Variants in SI observed in about 807,000 individuals in gnomAD.
SI encodes the protein sucrase-isomaltase, also known as sucrase-isomaltase, intestinal.
A neutral mutation model predicts 253.3 loss-of-function variants in SI; 235 were observed. The ratio of observed to expected loss-of-function variants is 0.93; its 90% CI spans 0.83 to 1.03. The LOEUF is 1.03. Among genes scored for constraint, SI ranks in the 50% least tolerant of loss-of-function variants. The pLI, the probability that SI is intolerant of heterozygous loss-of-function variation, is 0.00. For missense variants in SI, 2,442 were observed against 2,211.1 expected (o/e 1.10, Z -2.09); for synonymous variants, 819 against 712.0 (o/e 1.15, Z -2.39).
In SI at chr3:164,982,743, G is replaced by A. The variant is rs111642831; in HGVS notation, c.5247+259C>T. On this transcript the variant is annotated intron_variant, in intron 46 of 47. Coordinates refer to ENST00000264382, the MANE Select transcript of SI (RefSeq NM_001041.4). Reference sequence around the variant, plus strand: ...TGCAGTCATGGCTCACTGCCATCTCGAACTCCTAGATTCCAGTGACCCTCT... The same window carrying A: ...TGCAGTCATGGCTCACTGCCATCTCAAACTCCTAGATTCCAGTGACCCTCT... Among the ~76,000 whole-genome samples, 102 of 152,112 alleles carry A rather than the reference G, an allele frequency of 6.7e-4. 2 individuals carry two copies. Among genetic ancestry groups the A allele is most frequent in the African/African-American group, 2.2e-3 (90 of 41,518 alleles).
chr3:165,059,415 C>A (rs1239996846), intron 10 of SI, 116 bp from the exon 11 acceptor site: 1 of 1,023,486 alleles, frequency 9.8e-7, no homozygotes, highest in Non-Finnish European at 1.5e-6. Context: ...AATAAATGAA[C>A]GTCCATCCTT....
chr3:165,007,090 T>C, intron 36 of SI, 136 bp from the exon 37 acceptor site: 1 of 662,128 alleles, frequency 1.5e-6, no homozygotes, highest in Non-Finnish European at 2.5e-6. Flanking sequence ...TAACCATTTG[T>C]ATACTTTGTA....
At chr3:165,067,745 G>T (rs1408104505) in intron 5 of SI, among the ~76,000 whole-genome samples, 1 of 151,830 alleles carries the variant, frequency 6.6e-6, no homozygotes, top group Non-Finnish European at 1.5e-5. Flanking sequence ...GATTTTTATT[G>T]ACTGATATAA....
At chr3:165,001,161 A>G (rs998395030) in intron 37 of SI, among the ~76,000 whole-genome samples, 3 of 151,352 alleles carry the variant, frequency 2.0e-5, no homozygotes, top group Non-Finnish European at 4.4e-5. Flanking sequence ...ATTACTGATG[A>G]AATCAATTTA....
At chr3:165,076,112 T>G (rs1714957526) in intron 1 of SI, 100 bp from the exon 2 acceptor site, 1 of 894,516 alleles carries the variant, frequency 1.1e-6, no homozygotes, top group Admixed American at 2.9e-5. Flanking sequence ...TTTTACTATG[T>G]ATAATGCAGA....
intron 47 of SI, among the ~76,000 whole-genome samples, chr3:164,980,242 A>G (rs527892481): frequency 2.5e-4 from 38 of 152,104 alleles, no homozygotes; most frequent in Non-Finnish European, 5.0e-4. Flanking sequence ...ACATTTGATA[A>G]ATTAATTTAA....
At chr3:165,012,849 G>A (rs1238365766) in intron 34 of SI, 131 bp downstream of exon 34, 9 of 728,296 alleles carry the variant, frequency 1.2e-5, no homozygotes, top group Admixed American at 1.9e-5. Context: ...TCTAAATATG[G>A]TCTGATATCG....
At chr3:164,995,106 C>A (rs1437957002) in intron 40 of SI, among the ~76,000 whole-genome samples, 1 of 151,712 alleles carries the variant, frequency 6.6e-6, no homozygotes, top group Non-Finnish European at 1.5e-5. Context: ...AAGGCCATCA[C>A]AAAGCTCGAG....
the SI span, among the ~76,000 whole-genome samples, chr3:165,087,325 T>G: frequency 6.6e-6 from 1 of 151,964 alleles, no homozygotes; most frequent in African/African-American, 2.4e-5. Flanking sequence ...AACGACACCC[T>G]TATCAAACCA....
chr3:164,987,628 G>C (rs1258323656), intron 44 of SI, among the ~76,000 whole-genome samples: 1 of 152,024 alleles, frequency 6.6e-6, no homozygotes, highest in Admixed American at 6.6e-5. Flanking sequence ...GCAATTGCTT[G>C]AACCCGGGAG....
At chr3:164,989,219 C>T (rs1405244565) in intron 44 of SI, among the ~76,000 whole-genome samples, 1 of 151,118 alleles carries the variant, frequency 6.6e-6, no homozygotes, top group Admixed American at 6.6e-5. Context: ...CTGGCAGGCA[C>T]CTGTAATCCC....
chr3:165,012,630 C>T (rs1718824782), intron 34 of SI, among the ~76,000 whole-genome samples: 1 of 151,998 alleles, frequency 6.6e-6, no homozygotes. Flanking sequence ...TGGAGTTTCA[C>T]CATGTTAGCC....
chr3:164,994,150 G>T, intron 41 of SI, 107 bp downstream of exon 41: 1 of 1,011,172 alleles, frequency 9.9e-7, no homozygotes, highest in Non-Finnish European at 1.5e-6. Flanking sequence ...TATAACAATG[G>T]AAAAACTGCC....
Position 165,063,484 on chromosome 3 carries a change from C to T in SI, c.865G>A (p.Gly289Arg). The T allele has an allele frequency of 1.3e-6, 2 of 1,563,280 alleles. No homozygotes were observed. Among genetic ancestry groups the T allele is most frequent in the Non-Finnish European group, 1.8e-6 (2 of 1,137,408 alleles). Residue 289 changes from glycine to arginine, a missense_variant, in exon 8 of 48, where the codon GGA (glycine) becomes AGA (arginine). Transcript: ENST00000264382. ...TFFMCIEDTS[G>R]KSFGVFLMNS... ...ATTAAAAAAACACCGAATGACTTTC[C>T]AGATGTATCTTCAATACACATAAAG... is the stretch of plus-strand genomic sequence containing the variant.
chr3:165,080,057 C>T (rs1205680278), upstream of SI, among the ~76,000 whole-genome samples: 3 of 151,772 alleles, frequency 2.0e-5, no homozygotes, highest in Non-Finnish European at 4.4e-5. Flanking sequence ...TGATAATTTC[C>T]CCAAACTGGA....
intron 13 of SI, among the ~76,000 whole-genome samples, chr3:165,054,720 A>T (rs573319894): frequency 3.3e-5 from 5 of 152,220 alleles, no homozygotes; most frequent in Admixed American, 6.6e-5. Flanking sequence ...GAGATATAGT[A>T]ATACTTAACC....
chr3:164,999,782 G>A (rs1718177812), intron 37 of SI, among the ~76,000 whole-genome samples: 1 of 151,546 alleles, frequency 6.6e-6, no homozygotes, highest in African/African-American at 2.4e-5. Flanking sequence ...AATGTCTCAA[G>A]TCAAAAGTGC....
In SI at chr3:165,021,389, G is replaced by T. The variant is rs558325086; in HGVS notation, c.3100-6C>A. ...TTCTTTTGGGGATCATAAATCTATTGCAGATAAGTAGTAAAAAAGTTTATT... is the reference window on the plus strand; with the variant it reads ...TTCTTTTGGGGATCATAAATCTATTTCAGATAAGTAGTAAAAAAGTTTATT... On this transcript the variant is annotated splice_polypyrimidine_tract_variant and splice_region_variant and intron_variant, in intron 26 of 47. Transcript: ENST00000264382. 29 of 1,607,656 alleles carry T rather than the reference G, an allele frequency of 1.8e-5. No individual in the cohort carries two copies. Among genetic ancestry groups the T allele is most frequent in the Non-Finnish European group, 2.3e-5 (27 of 1,175,218 alleles).
At chr3:165,046,538 T>C (rs970583976) in intron 16 of SI, among the ~76,000 whole-genome samples, 1 of 152,048 alleles carries the variant, frequency 6.6e-6, no homozygotes. Context: ...GAACTTTTCT[T>C]CACCATCTTA....
Sources: allele counts gnomAD v4.1 joint callset (sites outside exome capture counted in the v4.1 genomes callset), GRCh38; gene constraint gnomAD v4.1.1; transcripts MANE v1.5; gene names NCBI Gene and HGNC (gene_info 2026-07-23, HGNC 2026-07-21).